The following TNR variants were observed in gnomAD, a reference collection of about 807,000 sequenced individuals.
TNR encodes tenascin-R.
TNR carries 45 observed loss-of-function variants against 150.4 expected under a neutral mutation model. The observed-to-expected ratio is 0.30, with a 90% CI of 0.24 to 0.38. TNR has a LOEUF of 0.38. Ranked by LOEUF, TNR falls within the 10% of genes least tolerant of loss-of-function variation. The pLI, the probability that TNR is intolerant of heterozygous loss-of-function variation, is 1.00. For missense variants in TNR, 1,544 were observed against 1,759.1 expected (o/e 0.88, Z 2.19); for synonymous variants, 687 against 678.4 (o/e 1.01, Z -0.20).
At position 175,406,637 on chromosome 1, in the gene TNR, G is replaced by T. The variant is rs775673263; in HGVS notation, c.78C>A (p.Ile26=). Residue 26 remains isoleucine (I), a synonymous_variant, in exon 3 of 23, where the codon ATC becomes ATA. Transcript: ENST00000367674. ...CCTCCAGCTGACACTCTGAAGGCTT[G>T]ATCATGGAGCCCAGAAGGATCAGGT... is the stretch of plus-strand genomic sequence containing the variant. The part of the protein sequence containing the change: ...GINLILLGSM[I]KPSECQLEVT... 2 of 1,614,226 alleles carry T rather than the reference G, an allele frequency of 1.2e-6. No individual in the cohort carries two copies. Among genetic ancestry groups the T allele is most frequent in the Non-Finnish European group, 1.7e-6 (2 of 1,180,054 alleles).
chr1:175,324,263 GA>G, intron 22 of TNR, 92 bp downstream of exon 22: 1 of 1,314,430 alleles, frequency 7.6e-7, no homozygotes, highest in Non-Finnish European at 1.0e-6. Context: ...AAAGGGAAAT[GA>G]AGGACTCACA....
intron 1 of TNR, among the ~76,000 whole-genome samples, chr1:175,627,424 G>C (rs573662610): frequency 2.6e-5 from 4 of 152,138 alleles, no homozygotes; most frequent in African/African-American, 9.7e-5. Context: ...ATGGGGATGG[G>C]CTTTAGCTTT....
intron 1 of TNR, among the ~76,000 whole-genome samples, chr1:175,637,801 G>T (rs1016957913): frequency 6.6e-6 from 1 of 152,146 alleles, no homozygotes; most frequent in East Asian, 1.9e-4. Context: ...TCTAAAGCTT[G>T]TCTCAGCTGT....
intron 2 of TNR, among the ~76,000 whole-genome samples, chr1:175,469,283 G>A (rs1255413419): frequency 6.6e-6 from 1 of 152,138 alleles, no homozygotes; most frequent in East Asian, 1.9e-4. Flanking sequence ...GTCCTGCTAG[G>A]AGGCAGACAT....
chr1:175,605,666 A>C (rs1482037481), intron 1 of TNR, among the ~76,000 whole-genome samples: 1 of 152,102 alleles, frequency 6.6e-6, no homozygotes, highest in Non-Finnish European at 1.5e-5. Context: ...TTTTCCCATC[A>C]CCTTAGTCAC....
At chr1:175,349,281 A>C (rs1346305698) in intron 18 of TNR, among the ~76,000 whole-genome samples, 1 of 152,232 alleles carries the variant, frequency 6.6e-6, no homozygotes, top group African/African-American at 2.4e-5. Context: ...ATAAGTGGAC[A>C]TGTACAAAGT....
At chr1:175,636,074 C>T (rs1263063904) in intron 1 of TNR, among the ~76,000 whole-genome samples, 1 of 152,124 alleles carries the variant, frequency 6.6e-6, no homozygotes, top group Admixed American at 6.6e-5. Context: ...CTACTATTCC[C>T]TCTACCTGAT....
intron 2 of TNR, among the ~76,000 whole-genome samples, chr1:175,446,553 C>T (rs1229140254): frequency 3.9e-5 from 6 of 152,032 alleles, no homozygotes; most frequent in South Asian, 2.1e-4. Flanking sequence ...ATGTATAGAT[C>T]CATCGACAGA....
chr1:175,353,501 C>G (rs1383865809), intron 18 of TNR, among the ~76,000 whole-genome samples: 3 of 152,204 alleles, frequency 2.0e-5, no homozygotes, highest in Non-Finnish European at 4.4e-5. Context: ...GCCGGAACAG[C>G]TGCATTTAGA....
At chr1:175,704,391 G>A (rs951596680) in intron 1 of TNR, among the ~76,000 whole-genome samples, 1 of 152,198 alleles carries the variant, frequency 6.6e-6, no homozygotes, top group Non-Finnish European at 1.5e-5. Flanking sequence ...TGGAAAGCTT[G>A]GTGGACAGAG....
chr1:175,370,338 CTTTTTTTTTTTTTT>C (rs55795922), intron 9 of TNR, among the ~76,000 whole-genome samples: 28 of 42,972 alleles, frequency 6.5e-4, no homozygotes, highest in East Asian at 3.1e-3. Flanking sequence ...ATTTTGAGTA[CTTTTTTTTTTTTTT>C]TTTTTTTTTT....
intron 1 of TNR, among the ~76,000 whole-genome samples, chr1:175,700,356 T>C (rs16848966): frequency 0.059 from 9,002 of 152,218 alleles, 345 homozygotes; most frequent in East Asian, 0.17. Context: ...TTCTGACGCA[T>C]GCCACACTAT....
At chr1:175,341,251 C>T (rs931986181) in intron 18 of TNR, among the ~76,000 whole-genome samples, 2 of 152,122 alleles carry the variant, frequency 1.3e-5, no homozygotes, top group Non-Finnish European at 2.9e-5. Context: ...GTAATTTTTC[C>T]CAAAGCAAAA....
At chr1:175,689,445 C>T (rs1313753639) in intron 1 of TNR, among the ~76,000 whole-genome samples, 1 of 152,170 alleles carries the variant, frequency 6.6e-6, no homozygotes, top group Non-Finnish European at 1.5e-5. Flanking sequence ...CTGCAAGCTT[C>T]CAGGGAGGGA....
In TNR at chr1:175,599,472, GTCTTGCGA is replaced by G. The variant is rs1663145036; in HGVS notation, c.-164-71111_-164-71104del. Among the ~76,000 whole-genome samples, 1 of 152,236 alleles carries G rather than the reference GTCTTGCGA, an allele frequency of 6.6e-6. No homozygotes were observed. The highest frequency in any genetic ancestry group is 2.4e-5 in the African/African-American group (1 of 41,464). Reference sequence around the variant, plus strand: ...TTACGAGGAAATGAGAAGACTTGGGGTCTTGCGATCGCCGCCGAGTGACGGAGTAATTC... The same window carrying G: ...TTACGAGGAAATGAGAAGACTTGGGGTCGCCGCCGAGTGACGGAGTAATTC... On this transcript the variant is annotated intron_variant, in intron 1 of 22. Transcript: ENST00000367674. This position sits in a 1 kb window ranked among gnomAD's most constrained non-coding sequence, Gnocchi z 4.7.
chr1:175,662,510 G>C (rs571176792), intron 1 of TNR, among the ~76,000 whole-genome samples: 71 of 152,292 alleles, frequency 4.7e-4, no homozygotes, highest in African/African-American at 1.6e-3. Context: ...TGCTTCCTCT[G>C]TAACAGGGCA....
intron 1 of TNR, among the ~76,000 whole-genome samples, chr1:175,692,683 A>C (rs6676099): frequency 6.6e-6 from 1 of 151,866 alleles, no homozygotes; most frequent in Admixed American, 6.6e-5. Flanking sequence ...GTCCACTAAC[A>C]GGGGAGAGGA....
intron 1 of TNR, among the ~76,000 whole-genome samples, chr1:175,586,927 A>C (rs986733146): frequency 2.0e-5 from 3 of 152,176 alleles, no homozygotes; most frequent in Non-Finnish European, 4.4e-5. Flanking sequence ...TTAATTACCA[A>C]ATTTGCTCTA....
In TNR at chr1:175,573,302, G is replaced by A. The variant is rs542891848; in HGVS notation, c.-164-44933C>T. On this transcript the variant is annotated intron_variant, in intron 1 of 22. Transcript: ENST00000367674. Reference sequence around the variant, plus strand: ...GATTCTGCCCTTGCTAGGGTTGTGAGCCCACCCTCCCTCAGAGCCCTGCGG... The same window carrying A: ...GATTCTGCCCTTGCTAGGGTTGTGAACCCACCCTCCCTCAGAGCCCTGCGG... 3.3e-5 allele frequency among the ~76,000 whole-genome samples: 5 copies of A among 152,328 alleles called. No homozygotes were observed. In the East Asian group the frequency reaches 9.7e-4, roughly 29 times the overall value.
Sources: allele counts gnomAD v4.1 joint callset (sites outside exome capture counted in the v4.1 genomes callset), GRCh38; gene constraint gnomAD v4.1.1; non-coding constraint Gnocchi (gnomAD v3.1); transcripts MANE v1.5; gene names NCBI Gene and HGNC (gene_info 2026-07-23, HGNC 2026-07-21).